ZNF804A: variants seen among roughly 807,000 people sequenced by gnomAD.
The protein encoded by ZNF804A is zinc finger protein 804A.
Under a neutral mutation model 16.5 loss-of-function variants are expected in ZNF804A, and 2 were observed. The observed-to-expected ratio is 0.12, with a 90% confidence interval of 0.05 to 0.38. ZNF804A has a LOEUF of 0.38. Among genes scored for constraint, ZNF804A ranks in the 10% least tolerant of loss-of-function variants. The pLI is 0.99. For synonymous variants in ZNF804A, 534 were observed against 489.6 expected (o/e 1.09, Z -1.20); for missense variants, 1,473 against 1,390.7 (o/e 1.06, Z -0.94).
Position 184,598,756 on chromosome 2 carries a change from G to C in ZNF804A, c.-204G>C. 1 of 367,156 alleles carries C rather than the reference G, an allele frequency of 2.7e-6. No homozygotes were observed. The highest frequency in any genetic ancestry group is 4.3e-5 in the East Asian group (1 of 23,016). 22.7% of individuals were successfully genotyped at this position (367,156 alleles called of 1,614,324 possible). On this transcript the variant is annotated 5_prime_UTR_variant, in exon 1 of 4. Transcript: ENST00000302277. ...ACAGGAGCGAGAGACTGAGGGGAGA[G>C]CGCGGCGAGCATGCGGAGGCGGGGG... is the stretch of plus-strand genomic sequence containing the variant.
intron 1 of ZNF804A, among the ~76,000 whole-genome samples, chr2:184,789,434 T>C (rs1694498606): frequency 6.6e-6 from 1 of 152,190 alleles, no homozygotes; most frequent in African/African-American, 2.4e-5. Context: ...GTGTGTCTAG[T>C]AAACTTTGGA....
At chr2:184,865,602 A>G (rs1350006184) in intron 1 of ZNF804A, among the ~76,000 whole-genome samples, 10 of 152,136 alleles carry the variant, frequency 6.6e-5, no homozygotes, top group Admixed American at 6.5e-4. Context: ...CTTAAAATCC[A>G]CAGTCAAACA....
chr2:184,634,484 G>C (rs1691663483), intron 1 of ZNF804A, among the ~76,000 whole-genome samples: 1 of 152,076 alleles, frequency 6.6e-6, no homozygotes, highest in African/African-American at 2.4e-5. Context: ...GATCCTTATA[G>C]GGAAAGAGGG....
intron 1 of ZNF804A, among the ~76,000 whole-genome samples, chr2:184,789,713 G>T (rs1346291446): frequency 2.6e-5 from 4 of 151,836 alleles, no homozygotes; most frequent in Admixed American, 6.6e-5. Flanking sequence ...ATACTTATTT[G>T]AATCTTCTCT....
At chr2:184,701,143 T>G (rs1209781716) in intron 1 of ZNF804A, among the ~76,000 whole-genome samples, 2 of 151,954 alleles carry the variant, frequency 1.3e-5, no homozygotes, top group African/African-American at 4.8e-5. Context: ...TGGGCTATGT[T>G]TTAGTGTTTG....
chr2:184,686,300 C>G (rs1692630179), intron 1 of ZNF804A, among the ~76,000 whole-genome samples: 1 of 152,198 alleles, frequency 6.6e-6, no homozygotes, highest in Non-Finnish European at 1.5e-5. Flanking sequence ...TTGCTGGCCC[C>G]CTGGAGCATG....
chr2:184,904,049 A>C (rs1685231128), intron 2 of ZNF804A, among the ~76,000 whole-genome samples: 1 of 152,062 alleles, frequency 6.6e-6, no homozygotes. Flanking sequence ...CAACATATAA[A>C]AATTAGTTGT....
At chr2:184,863,614 T>C (rs1695832293) in intron 1 of ZNF804A, among the ~76,000 whole-genome samples, 1 of 151,594 alleles carries the variant, frequency 6.6e-6, no homozygotes, top group South Asian at 2.1e-4. Flanking sequence ...AGAGAGGAAG[T>C]AGCTTTATTG....
At chr2:184,616,812 A>G (rs1440082971) in intron 1 of ZNF804A, among the ~76,000 whole-genome samples, 1 of 152,164 alleles carries the variant, frequency 6.6e-6, no homozygotes, top group Non-Finnish European at 1.5e-5. Context: ...ACCTCTTTTC[A>G]TAGGTTCTAA....
intron 2 of ZNF804A, among the ~76,000 whole-genome samples, chr2:184,903,763 A>G (rs982306288): frequency 1.3e-5 from 2 of 152,130 alleles, no homozygotes; most frequent in Admixed American, 6.6e-5. Context: ...AATGTATACA[A>G]CTTGATGAGT....
chr2:184,770,539 G>A (rs1694193745), intron 1 of ZNF804A, among the ~76,000 whole-genome samples: 1 of 132,154 alleles, frequency 7.6e-6, no homozygotes, highest in African/African-American at 4.4e-5. Flanking sequence ...AAACATTTAT[G>A]TTCTTTATGA....
chr2:184,781,556 G>T (rs1216809881), intron 1 of ZNF804A, among the ~76,000 whole-genome samples: 3 of 151,396 alleles, frequency 2.0e-5, no homozygotes, highest in Non-Finnish European at 4.4e-5. Context: ...ATTCTTTTTT[G>T]GGAAATTTTC....
chr2:184,606,676 CA>C (rs1468337200), intron 1 of ZNF804A, among the ~76,000 whole-genome samples: 3 of 152,250 alleles, frequency 2.0e-5, no homozygotes, highest in African/African-American at 7.2e-5. Flanking sequence ...AATCTAAGAG[CA>C]AAAACTGAGC....
chr2:184,859,286 T>C (rs1006355366), intron 1 of ZNF804A, among the ~76,000 whole-genome samples: 1 of 152,100 alleles, frequency 6.6e-6, no homozygotes, highest in Admixed American at 6.5e-5. Flanking sequence ...AAGGATCTTT[T>C]ATTCTTTTTT....
chr2:184,885,831 C>T (rs1030278608), intron 2 of ZNF804A, among the ~76,000 whole-genome samples: 18 of 152,072 alleles, frequency 1.2e-4, no homozygotes, highest in African/African-American at 4.3e-4. Flanking sequence ...ATTACCTCCC[C>T]AAGGATCCCT....
chr2:184,790,926 G>A (rs1471689566), intron 1 of ZNF804A, among the ~76,000 whole-genome samples: 1 of 152,068 alleles, frequency 6.6e-6, no homozygotes, highest in African/African-American at 2.4e-5. Flanking sequence ...ATTATATAAT[G>A]CCCTTCTTTG....
chr2:184,921,322 T>C (rs1685524904), intron 2 of ZNF804A, among the ~76,000 whole-genome samples: 1 of 152,190 alleles, frequency 6.6e-6, no homozygotes, highest in South Asian at 2.1e-4. Context: ...TATCAAAATA[T>C]TAGGTGAGTT....
At chr2:184,930,784 AG>A (rs1436638939) in intron 2 of ZNF804A, among the ~76,000 whole-genome samples, 2 of 152,234 alleles carry the variant, frequency 1.3e-5, no homozygotes, top group African/African-American at 2.4e-5. Context: ...TATTGTTCTA[AG>A]TTCCTGGTAC....
At chr2:184,810,609 G>A (rs536966699) in intron 1 of ZNF804A, among the ~76,000 whole-genome samples, 1 of 148,214 alleles carries the variant, frequency 6.7e-6, no homozygotes, top group South Asian at 2.1e-4. Flanking sequence ...TCCTGTCTCA[G>A]CCTTCCGAGT....
Sources: gnomAD v4.1 joint callset for allele counts (sites outside exome capture counted in the v4.1 genomes callset) on GRCh38, gnomAD v4.1.1 for gene constraint, MANE v1.5 for transcripts, NCBI Gene and HGNC (gene_info 2026-07-23, HGNC 2026-07-21) for gene names.